SEMA6D: variants seen among roughly 807,000 people sequenced by gnomAD.
SEMA6D encodes semaphorin 6D.
A neutral mutation model predicts 106.6 loss-of-function variants in SEMA6D; 35 were observed. The observed-to-expected ratio is 0.33, with a 90% CI of 0.25 to 0.44. The LOEUF (loss-of-function observed/expected upper bound fraction) is 0.44. Among genes scored for constraint, SEMA6D ranks in the 20% least tolerant of loss-of-function variants. The probability of loss-of-function intolerance (pLI) is 1.00; values close to 1 mark genes in which losing one functional copy is unlikely to be tolerated. For missense variants in SEMA6D, 1,185 were observed against 1,345.9 expected (o/e 0.88, Z 1.87); for synonymous variants, 499 against 487.7 (o/e 1.02, Z -0.31).
rs2044038745 is a variant in SEMA6D at position 47,506,432 on chromosome 15, A to AATACAT, written c.-87+35887_-87+35888insATACAT. Among the ~76,000 whole-genome samples the AATACAT allele has an allele frequency of 2.6e-5, 4 of 152,306 alleles. 1 individual carries two copies. The Middle Eastern group carries it at 0.01, about 389-fold the overall frequency. Reference sequence around the variant, plus strand: ...CTAATTAGGAACAGAGGACATGTTAAGCTTGAGGCTTAAATACAGAACTTG... The same window carrying AATACAT: ...CTAATTAGGAACAGAGGACATGTTAAATACATGCTTGAGGCTTAAATACAGAACTTG... On this transcript the variant is annotated intron_variant, in intron 3 of 19. Coordinates refer to the SEMA6D transcript ENST00000558014.
intron 2 of SEMA6D, among the ~76,000 whole-genome samples, chr15:47,429,139 C>G (rs1442280967): frequency 6.6e-6 from 1 of 151,990 alleles, no homozygotes; most frequent in Non-Finnish European, 1.5e-5. Flanking sequence ...TGTGAGTTGC[C>G]TGCCCAACAC....
At chr15:47,239,230 T>C (rs57559162) in intron 1 of SEMA6D, among the ~76,000 whole-genome samples, 10,403 of 152,270 alleles carry the variant, frequency 0.068, 1,295 homozygotes, top group East Asian at 0.6. Context: ...GATCTGTCAC[T>C]GTCTCCTGTC....
At chr15:47,375,371 C>T (rs2039413552) in intron 1 of SEMA6D, among the ~76,000 whole-genome samples, 2 of 152,176 alleles carry the variant, frequency 1.3e-5, no homozygotes, top group Admixed American at 6.5e-5. Flanking sequence ...TCCCATTCCT[C>T]TTCCTTCTTT....
At chr15:47,325,548 C>T (rs959012597) in intron 1 of SEMA6D, among the ~76,000 whole-genome samples, 1 of 152,166 alleles carries the variant, frequency 6.6e-6, no homozygotes, top group Non-Finnish European at 1.5e-5. Flanking sequence ...ACAGAAATGC[C>T]CTTTAAAGTG....
intron 1 of SEMA6D, among the ~76,000 whole-genome samples, chr15:47,367,731 G>C (rs992370131): frequency 6.7e-6 from 1 of 149,854 alleles, no homozygotes; most frequent in Non-Finnish European, 1.5e-5. Flanking sequence ...CACACACAGA[G>C]AGAGAGAAAG....
intron 3 of SEMA6D, among the ~76,000 whole-genome samples, chr15:47,489,776 C>T (rs772403918): frequency 7.9e-5 from 12 of 152,080 alleles, no homozygotes; most frequent in African/African-American, 2.9e-4. Context: ...CTCAGCCTCC[C>T]GAGTAGCTGG....
At chr15:47,202,201 A>G (rs1016900362) in intron 1 of SEMA6D, among the ~76,000 whole-genome samples, 1 of 152,008 alleles carries the variant, frequency 6.6e-6, no homozygotes, top group Non-Finnish European at 1.5e-5. Flanking sequence ...TTAGGCGACC[A>G]TCAGGTGATT....
intron 3 of SEMA6D, among the ~76,000 whole-genome samples, chr15:47,532,721 C>A (rs1469740720): frequency 2.6e-5 from 4 of 152,172 alleles, no homozygotes; most frequent in Admixed American, 6.5e-5. Context: ...TGTGGAGATA[C>A]ATCCTTCAAG....
chr15:47,672,963 G>A lies in SEMA6D; in HGVS notation c.-55+72067G>A, dbSNP rs1288949805. Among the ~76,000 whole-genome samples the A allele has an allele frequency of 4.6e-5, 7 of 152,146 alleles. No homozygotes were observed. The South Asian group carries it at 6.2e-4, about 14-fold the overall frequency. Reference sequence around the variant, plus strand: ...TTTTTTCAAATGGGATTTTTATTGCGAGCCAACCCCTATAGCTTCTGGTGC... The same window carrying A: ...TTTTTTCAAATGGGATTTTTATTGCAAGCCAACCCCTATAGCTTCTGGTGC... On this transcript the variant is annotated intron_variant, in intron 4 of 19. Coordinates refer to the SEMA6D transcript ENST00000558014.
intron 4 of SEMA6D, among the ~76,000 whole-genome samples, chr15:47,659,291 C>T (rs2077869026): frequency 2.6e-5 from 4 of 151,470 alleles, no homozygotes. Context: ...GGTAATAGAT[C>T]CAAGTCTATT....
intron 3 of SEMA6D, among the ~76,000 whole-genome samples, chr15:47,502,705 C>T (rs921123346): frequency 6.6e-6 from 1 of 152,160 alleles, no homozygotes; most frequent in African/African-American, 2.4e-5. Context: ...TCATTTAGAT[C>T]ATAAAAATGT....
At chr15:47,186,031 A>G in intron 1 of SEMA6D, among the ~76,000 whole-genome samples, 1 of 152,084 alleles carries the variant, frequency 6.6e-6, no homozygotes, top group East Asian at 1.9e-4. Flanking sequence ...CAAATATACA[A>G]TATTTGTGTA....
chr15:47,270,600 C>T (rs887250983), intron 1 of SEMA6D, among the ~76,000 whole-genome samples: 1 of 152,134 alleles, frequency 6.6e-6, no homozygotes, highest in Non-Finnish European at 1.5e-5. Context: ...CACTAAGAAA[C>T]TAACCATGTA....
At chr15:47,380,920 G>A (rs77440482) in intron 1 of SEMA6D, among the ~76,000 whole-genome samples, 2,716 of 152,302 alleles carry the variant, frequency 0.018, 49 homozygotes, top group South Asian at 0.029. Context: ...AATAGTTGGA[G>A]GTGATCATAC....
At chr15:47,735,602 A>T (rs1243234114) in intron 1 of SEMA6D, among the ~76,000 whole-genome samples, 1 of 152,238 alleles carries the variant, frequency 6.6e-6, no homozygotes, top group African/African-American at 2.4e-5. Flanking sequence ...TTCCACAATC[A>T]TCATTTTTAG....
chr15:47,679,322 A>G (rs1490172543), intron 4 of SEMA6D, among the ~76,000 whole-genome samples: 3 of 152,222 alleles, frequency 2.0e-5, no homozygotes, highest in African/African-American at 7.2e-5. Flanking sequence ...TGCCTTATGT[A>G]TAAAATAAAA....
At chr15:47,699,627 A>G (rs1002054933) in intron 4 of SEMA6D, among the ~76,000 whole-genome samples, 3 of 152,194 alleles carry the variant, frequency 2.0e-5, no homozygotes, top group Non-Finnish European at 4.4e-5. Context: ...CATATACCTA[A>G]ACTGCCCTCC....
chr15:47,528,454 G>T (rs1385197850), intron 3 of SEMA6D, among the ~76,000 whole-genome samples: 1 of 152,080 alleles, frequency 6.6e-6, no homozygotes, highest in Middle Eastern at 3.2e-3. Flanking sequence ...TGGTCTGCGG[G>T]GCCATTTAAC....
intron 7 of SEMA6D, 144 bp from the exon 8 acceptor site, chr15:47,762,056 G>T: frequency 1.1e-6 from 1 of 906,678 alleles, no homozygotes; most frequent in Non-Finnish European, 1.7e-6. Context: ...GTCACATGTT[G>T]ATGGTGAGAA....
Sources: allele counts gnomAD v4.1 joint callset (sites outside exome capture counted in the v4.1 genomes callset), GRCh38; gene constraint gnomAD v4.1.1; transcripts MANE v1.5; gene names NCBI Gene and HGNC (gene_info 2026-07-23, HGNC 2026-07-21).